Variants in MIR2052HG observed in about 807,000 individuals in gnomAD.
MIR2052HG encodes MIR2052 host gene.
chr8:74,705,287 A>ATT (rs796634743), intron 4 of MIR2052HG, among the ~76,000 whole-genome samples: 9 of 151,486 alleles, frequency 5.9e-5, no homozygotes, highest in African/African-American at 2.2e-4. Context: ...CTTTGCAGAC[A>ATT]TTTTTTTTTC....
intron 2 of MIR2052HG, among the ~76,000 whole-genome samples, chr8:74,624,496 T>C (rs1418984007): frequency 6.6e-6 from 1 of 152,256 alleles, no homozygotes; most frequent in African/African-American, 2.4e-5. Context: ...CAACTGGCTC[T>C]TCCCTTAGTT....
intron 2 of MIR2052HG, among the ~76,000 whole-genome samples, chr8:74,670,202 TGGAAGATTG>T (rs1279562144): frequency 1.3e-5 from 2 of 152,166 alleles, no homozygotes; most frequent in African/African-American, 4.8e-5. Context: ...CTACTTTTTA[TGGAAGATTG>T]GGAAGATTGG....
intron 2 of MIR2052HG, among the ~76,000 whole-genome samples, chr8:74,668,424 AGGAGCT>A: frequency 6.6e-6 from 1 of 152,190 alleles, no homozygotes; most frequent in Non-Finnish European, 1.5e-5. Context: ...AAAACTTACC[AGGAGCT>A]GGTACTTTAA....
At chr8:74,739,394 A>T (rs1176079686) in intron 4 of MIR2052HG, among the ~76,000 whole-genome samples, 1 of 152,162 alleles carries the variant, frequency 6.6e-6, no homozygotes, top group Non-Finnish European at 1.5e-5. Context: ...AAGCCTCTTT[A>T]ACCTCTGGAT....
intron 2 of MIR2052HG, among the ~76,000 whole-genome samples, chr8:74,648,807 C>T (rs1267969223): frequency 6.6e-6 from 1 of 151,926 alleles, no homozygotes; most frequent in Non-Finnish European, 1.5e-5. Flanking sequence ...TGAATCGTCT[C>T]TATGTGCCTG....
intron 4 of MIR2052HG, among the ~76,000 whole-genome samples, chr8:74,722,547 C>A (rs1809589943): frequency 6.6e-6 from 1 of 152,098 alleles, no homozygotes; most frequent in Admixed American, 6.6e-5. Flanking sequence ...TATAACCTTG[C>A]TTTCTCTTTT....
intron 2 of MIR2052HG, among the ~76,000 whole-genome samples, chr8:74,636,052 C>T (rs1479250388): frequency 6.6e-6 from 1 of 152,170 alleles, no homozygotes; most frequent in Non-Finnish European, 1.5e-5. Context: ...TCTTGTCCTC[C>T]AAGATGTCCT....
At chr8:74,757,681 TA>T (rs1174817157) in intron 5 of MIR2052HG, 1 of 152,152 alleles carries the variant, frequency 6.6e-6, no homozygotes, top group African/African-American at 2.4e-5. Context: ...CAACATATTG[TA>T]AGATTGTTAC....
At chr8:74,631,329 A>T (rs1199952274) in intron 2 of MIR2052HG, among the ~76,000 whole-genome samples, 1 of 152,236 alleles carries the variant, frequency 6.6e-6, no homozygotes, top group Non-Finnish European at 1.5e-5. Flanking sequence ...TAGTTATAGC[A>T]GCAATGGTTT....
At chr8:74,614,249 T>G (rs1027344582) in intron 2 of MIR2052HG, among the ~76,000 whole-genome samples, 3 of 152,332 alleles carry the variant, frequency 2.0e-5, no homozygotes, top group Admixed American at 6.5e-5. Flanking sequence ...AATTATATAG[T>G]CAGATAATCT....
chr8:74,613,736 C>G (rs1311952885), intron 2 of MIR2052HG, among the ~76,000 whole-genome samples: 1 of 152,222 alleles, frequency 6.6e-6, no homozygotes, highest in Non-Finnish European at 1.5e-5. Flanking sequence ...ATCCACCCGA[C>G]TCCGCCTCCC....
At chr8:74,710,721 A>T (rs982543123) in intron 4 of MIR2052HG, among the ~76,000 whole-genome samples, 2 of 152,142 alleles carry the variant, frequency 1.3e-5, no homozygotes, top group East Asian at 3.9e-4. Context: ...CTATCTACTT[A>T]TGGGGTTCAT....
chr8:74,604,060 G>T, intron 1 of MIR2052HG: 1 of 954,610 alleles, frequency 1.0e-6, no homozygotes, highest in Non-Finnish European at 1.7e-6. Context: ...AGCAGGTCCA[G>T]CAAAAGTGAT....
intron 4 of MIR2052HG, among the ~76,000 whole-genome samples, chr8:74,715,983 A>G (rs891467446): frequency 6.6e-6 from 1 of 152,222 alleles, no homozygotes; most frequent in African/African-American, 2.4e-5. Context: ...CTCCAGAAAT[A>G]GACCCTGAAT....
intron 1 of MIR2052HG, chr8:74,609,851 T>TAAG (rs1808167366): frequency 6.6e-6 from 1 of 151,342 alleles, no homozygotes; most frequent in Admixed American, 6.6e-5. Context: ...GACAACATAA[T>TAAG]ACTTAATGGT....
intron 2 of MIR2052HG, among the ~76,000 whole-genome samples, chr8:74,657,798 C>G (rs1808822594): frequency 6.6e-6 from 1 of 152,154 alleles, no homozygotes; most frequent in Non-Finnish European, 1.5e-5. Context: ...TTACTTCCCA[C>G]CGGGACTCTC....
At chr8:74,742,675 A>G (rs1809842792) in intron 4 of MIR2052HG, among the ~76,000 whole-genome samples, 1 of 152,174 alleles carries the variant, frequency 6.6e-6, no homozygotes, top group Non-Finnish European at 1.5e-5. Flanking sequence ...GGAAATGTTG[A>G]CATCATTGCA....
chr8:74,600,906 G>C (rs779120581), intron 1 of MIR2052HG, among the ~76,000 whole-genome samples: 10 of 152,146 alleles, frequency 6.6e-5, no homozygotes, highest in Non-Finnish European at 1.5e-5. Context: ...TGACGTATAG[G>C]TGTATGGTAG....
At chr8:74,609,512 A>T (rs955426971) in intron 1 of MIR2052HG, among the ~76,000 whole-genome samples, 2 of 151,840 alleles carry the variant, frequency 1.3e-5, no homozygotes, top group East Asian at 3.8e-4. Flanking sequence ...TTGCATGCCA[A>T]TATTCCTCAT....
Sources: gnomAD v4.1 joint callset for allele counts (sites outside exome capture counted in the v4.1 genomes callset) on GRCh38, gnomAD v4.1.1 for gene constraint, MANE v1.5 for transcripts, NCBI Gene and HGNC (gene_info 2026-07-23, HGNC 2026-07-21) for gene names.